IGFN1: variants seen among roughly 807,000 people sequenced by gnomAD.
IGFN1 encodes the protein immunoglobulin-like and fibronectin type III domain-containing protein 1.
In IGFN1, 253 loss-of-function variants were observed where a neutral mutation model predicts 289.5. That is an observed-to-expected ratio of 0.87 (90% CI 0.79 to 0.97). The LOEUF is 0.97. Among genes scored for constraint, IGFN1 ranks in the 50% least tolerant of loss-of-function variants. IGFN1 has a pLI of 0.00. For missense variants in IGFN1, 4,470 were observed against 4,686.1 expected (o/e 0.95, Z 1.35); for synonymous variants, 1,706 against 1,788.5 (o/e 0.95, Z 1.16).
chr1:201,195,709 TG>T, intron 3 of IGFN1, 129 bp from the exon 4 acceptor site: 2 of 1,003,148 alleles, frequency 2.0e-6, no homozygotes, highest in Non-Finnish European at 2.8e-6. Context: ...GACCAAGGCC[TG>T]GCATCCTTTT....
Position 201,212,249 on chromosome 1 carries a change from A to G in IGFN1, c.7356A>G (p.Gly2452=). Residue 2452 remains glycine, a synonymous_variant, in exon 12 of 24, where the codon GGA becomes GGG. Transcript: ENST00000335211. ...LRGTGVLGSQ[G]GRQTLSDERG... ...GCACAGGGGTGCTGGGGTCTCAGGG[A>G]GGGCGACAGACTCTTTCAGATGAGC... 6.5e-7 allele frequency: 1 copy of G among 1,535,084 alleles called. No individual in the cohort carries two copies. Among genetic ancestry groups the G allele is most frequent in the Non-Finnish European group, 8.7e-7 (1 of 1,146,090 alleles).
rs1667446639 is a variant in IGFN1 at position 201,206,805 on chromosome 1, A to C, written c.1912A>C (p.Met638Leu). The C allele has an allele frequency of 2.0e-6, 3 of 1,536,810 alleles. No individual in the cohort carries two copies. The highest frequency in any genetic ancestry group is 2.6e-6 in the Non-Finnish European group (3 of 1,146,892). The change falls in exon 12 of 24, where the codon ATG becomes CTG. Residue 638 changes from methionine (M) to leucine (L), a missense_variant. Around this residue, in one of 8 missense-constraint regions of IGFN1, gnomAD observed 2,011 missense variants for 1,953.4 expected, o/e 1.03. Transcript: ENST00000335211. ...EISQDDSLAE[M>L]DRGDAPSRER... ...TTCACAGGATGACAGCCTGGCTGAG[A>C]TGGACAGAGGGGATGCTCCAAGTAG...
rs1464440455 is a variant in IGFN1, at chr1:201,224,670, C to T, written c.10291-9C>T. 2.5e-6 allele frequency: 4 copies of T among 1,612,520 alleles called. No individual in the cohort carries two copies. Among genetic ancestry groups the T allele is most frequent in the Non-Finnish European group, 3.4e-6 (4 of 1,179,194 alleles). On this transcript the variant is annotated splice_polypyrimidine_tract_variant and intron_variant, in intron 20 of 23. Coordinates refer to ENST00000335211, the MANE Select transcript of IGFN1 (RefSeq NM_001164586.2). ...CCCTTCTCAACTTTTCCTTCCTCTC[C>T]TTTCTCAGGCCATGCCCATGCCTGA... is the stretch of plus-strand genomic sequence containing the variant.
chr1:201,211,688 C>A lies in IGFN1; in HGVS notation c.6795C>A (p.Tyr2265Ter), dbSNP rs1356028713. The change falls in exon 12 of 24, where the codon TAC (tyrosine) becomes TAA (stop). Residue 2265 changes from tyrosine (Y) to a stop codon, truncating the protein, a stop_gained. Coordinates refer to ENST00000335211, the MANE Select transcript of IGFN1 (RefSeq NM_001164586.2). LOFTEE classifies it high-confidence loss of function. The stretch of plus-strand genomic sequence containing the variant: ...CTGAGGAAATGGGTTCAGGCAGTTA[C>A]ACAGATTACAGGAATGGTTTAGGCA... ...GAPEEMGSGS[Y>*]TDYRNGLGSS... The A allele has an allele frequency of 6.5e-7, 1 of 1,536,808 alleles. No individual in the cohort carries two copies. Among genetic ancestry groups the A allele is most frequent in the Admixed American group, 2.0e-5 (1 of 50,968 alleles).
chr1:201,194,856 G>T (rs1223739985), intron 3 of IGFN1, among the ~76,000 whole-genome samples: 1 of 152,222 alleles, frequency 6.6e-6, no homozygotes, highest in East Asian at 1.9e-4. Flanking sequence ...ATAAGAAAAA[G>T]AATGGTATTT....
intron 5 of IGFN1, 118 bp downstream of exon 5, chr1:201,197,435 C>T: frequency 1.5e-6 from 1 of 673,936 alleles, no homozygotes; most frequent in Non-Finnish European, 2.7e-6. Flanking sequence ...ATCCAGGCTG[C>T]TGCCGCTGCT....
chr1:201,200,130 A>G, intron 7 of IGFN1, 107 bp from the exon 8 acceptor site: 1 of 850,260 alleles, frequency 1.2e-6, no homozygotes, highest in Non-Finnish European at 1.8e-6. Context: ...CGTTTCCTCG[A>G]GTGCAGATAG....
At position 201,221,467 on chromosome 1, in the gene IGFN1, C is replaced by T. The variant is rs766320856; in HGVS notation, c.9922C>T (p.Leu3308Phe). The T allele has an allele frequency of 1.2e-6, 2 of 1,602,124 alleles. No homozygotes were observed. The highest frequency in any genetic ancestry group is 2.3e-5 in the South Asian group (2 of 88,746). ...AGGACCCCCTGGGCTGGTGAGGAAT[C>T]TCCAAGTCACAGACAGATCGAACAC... ...PMRPPGLVRN[L>F]QVTDRSNTSI... Residue 3308 changes from leucine (L) to phenylalanine (F), a missense_variant, in exon 19 of 24, where the codon CTC becomes TTC. Coordinates refer to ENST00000335211, the MANE Select transcript of IGFN1 (RefSeq NM_001164586.2).
chr1:201,211,854 G>C lies in IGFN1; in HGVS notation c.6961G>C (p.Gly2321Arg), dbSNP rs774834016. The stretch of plus-strand genomic sequence containing the variant: ...GTACATTTTGTCATGGAATGAGGCA[G>C]GTTCTAGGCAAGGCTTTGGGGGAAC... ...SGYILSWNEA[G>R]SRQGFGGTSG... The change falls in exon 12 of 24, where the codon GGT becomes CGT. Residue 2321 changes from glycine to arginine, a missense_variant. Transcript: ENST00000335211. 6.5e-7 allele frequency: 1 copy of C among 1,535,634 alleles called. No individual in the cohort carries two copies. The highest frequency in any genetic ancestry group is 1.4e-5 in the African/African-American group (1 of 73,002).
chr1:201,202,200 T>C (rs1667194286), intron 9 of IGFN1, among the ~76,000 whole-genome samples: 1 of 152,194 alleles, frequency 6.6e-6, no homozygotes, highest in Non-Finnish European at 1.5e-5. Flanking sequence ...GGAGTAATTA[T>C]CTGCCAACCA....
rs1053066033 is a variant in IGFN1 at position 201,195,822 on chromosome 1, G to T, written c.128-17G>T. The T allele has an allele frequency of 1.5e-5, 24 of 1,549,800 alleles. No homozygotes were observed. The African/African-American group carries it at 3.0e-4, about 19-fold the overall frequency. On this transcript the variant is annotated splice_polypyrimidine_tract_variant and intron_variant, in intron 3 of 23. Transcript: ENST00000335211. ...TCCCAACTTGTCAGTCTCCCTACTC[G>T]TCTCTTCCTGCTGCAGGGAAAAATG...
At chr1:201,204,984 TGGTCTAAGCCA>T in intron 10 of IGFN1, 87 bp from the exon 11 acceptor site, 3 of 1,245,230 alleles carry the variant, frequency 2.4e-6, no homozygotes, top group Non-Finnish European at 3.3e-6. Flanking sequence ...GTGGCTGAGC[TGGTCTAAGCCA>T]GGATTTCTGA....
chr1:201,222,547 A>G (rs991339684), intron 19 of IGFN1, 192 bp from the exon 20 acceptor site: 1 of 474,040 alleles, frequency 2.1e-6, no homozygotes, highest in Non-Finnish European at 3.8e-6. Context: ...TCTCCCCATC[A>G]GCCCCTGGGG....
At position 201,217,369 on chromosome 1, in the gene IGFN1, C is replaced by T; in HGVS notation, c.9678C>T (p.Gly3226=). 1 of 1,614,152 alleles carries T rather than the reference C, an allele frequency of 6.2e-7. No individual in the cohort carries two copies. The highest frequency in any genetic ancestry group is 8.5e-7 in the Non-Finnish European group (1 of 1,180,000). The change falls in exon 17 of 24, where the codon GGC becomes GGT. Residue 3226 remains glycine, a synonymous_variant. Coordinates refer to ENST00000335211, the MANE Select transcript of IGFN1 (RefSeq NM_001164586.2). ...CACTGACATGGACAGCACCTCGGGGCCCCGGCAGCGCCCACATCCTGGGCT... is the reference window on the plus strand; with the variant it reads ...CACTGACATGGACAGCACCTCGGGGTCCCGGCAGCGCCCACATCCTGGGCT... ...GITLTWTAPR[G]PGSAHILGYL...
chr1:201,216,374 G>T, intron 15 of IGFN1, 80 bp from the exon 16 acceptor site: 2 of 1,140,346 alleles, frequency 1.8e-6, no homozygotes, highest in South Asian at 1.7e-5. Context: ...TCGGGGTGGC[G>T]GGGAGTTGGG....
At chr1:201,193,651 C>T (rs1051481306) in intron 2 of IGFN1, among the ~76,000 whole-genome samples, 8 of 152,156 alleles carry the variant, frequency 5.3e-5, no homozygotes, top group Non-Finnish European at 8.8e-5. Context: ...GGGGTTTCAC[C>T]ATGTTGGTCA....
chr1:201,214,240 C>T lies in IGFN1; in HGVS notation c.8792C>T (p.Thr2931Ile). ...DMEVQPGEAA[T>I]LSCTLTSDLG... ...GAAGTGCAGCCGGGGGAGGCCGCCA[C>T]ACTCTCCTGTACCCTCACCAGTGAC... Residue 2931 changes from threonine to isoleucine, a missense_variant, in exon 13 of 24, where the codon ACA (threonine) becomes ATA (isoleucine). Thr to Ile is a moderately conservative substitution (Grantham distance 89, BLOSUM62 -1). Transcript: ENST00000335211. 6.2e-7 allele frequency: 1 copy of T among 1,613,778 alleles called. No individual in the cohort carries two copies. The highest frequency in any genetic ancestry group is 8.5e-7 in the Non-Finnish European group (1 of 1,179,804).
intron 5 of IGFN1, 73 bp downstream of exon 5, chr1:201,197,390 C>A: frequency 2.3e-6 from 2 of 859,150 alleles, no homozygotes; most frequent in Non-Finnish European, 3.7e-6. Flanking sequence ...TGCCCCGTGG[C>A]TAGTGAGGGA....
rs572477453 is a variant in IGFN1, at chr1:201,215,916, C to T, written c.9295+78C>T. ...GCCCTCCCTGCCATCAAGGGCAGGC[C>T]TGGGATATGATCTCTGCTGGCTCTG... On this transcript the variant is annotated intron_variant, in intron 15 of 23. Transcript: ENST00000335211. 1.1e-4 allele frequency: 146 copies of T among 1,371,110 alleles called. No individual in the cohort carries two copies. The South Asian group carries it at 1.8e-3, about 17-fold the overall frequency. 84.9% of individuals were successfully genotyped at this position (1,371,110 alleles called of 1,614,324 possible).
Sources: gnomAD v4.1 joint callset for allele counts (sites outside exome capture counted in the v4.1 genomes callset) on GRCh38, gnomAD v4.1.1 for gene constraint, gnomAD v4.1.1 regional missense constraint, MANE v1.5 for transcripts, NCBI Gene and HGNC (gene_info 2026-07-23, HGNC 2026-07-21) for gene names.